Variants in TTLL5 observed in about 807,000 individuals in gnomAD.
The protein encoded by TTLL5 is tubulin polyglutamylase TTLL5.
In TTLL5, 132 loss-of-function variants were observed where a neutral mutation model predicts 168.4. That is an observed-to-expected ratio of 0.78 (90% CI 0.68 to 0.91). The LOEUF (loss-of-function observed/expected upper bound fraction) is 0.91. Ranked by LOEUF, TTLL5 falls within the 40% of genes least tolerant of loss-of-function variation. The pLI is 0.00. For synonymous variants in TTLL5, 546 were observed against 558.6 expected, an observed-to-expected ratio of 0.98 and a Z score of 0.32; for missense variants, 1,545 against 1,581.5, an observed-to-expected ratio of 0.98 and a Z score of 0.39.
chr14:75,844,766 A>G (rs1374455899), intron 28 of TTLL5, among the ~76,000 whole-genome samples: 2 of 152,194 alleles, frequency 1.3e-5, no homozygotes, highest in Admixed American at 6.5e-5. Context: ...TGCCCTTTCC[A>G]TTACCCAAAC....
intron 31 of TTLL5, among the ~76,000 whole-genome samples, chr14:75,944,724 C>CT (rs1176742864): frequency 6.6e-6 from 1 of 151,990 alleles, no homozygotes; most frequent in East Asian, 1.9e-4. Context: ...AACTGTCTCT[C>CT]TAAAATAATA....
At chr14:75,831,768 C>T (rs1895581782) in intron 28 of TTLL5, among the ~76,000 whole-genome samples, 1 of 152,192 alleles carries the variant, frequency 6.6e-6, no homozygotes, top group African/African-American at 2.4e-5. Context: ...TCCCATATCA[C>T]ATTTTTTCTT....
intron 26 of TTLL5, among the ~76,000 whole-genome samples, chr14:75,787,352 A>G (rs1398606242): frequency 6.6e-6 from 1 of 152,202 alleles, no homozygotes; most frequent in Non-Finnish European, 1.5e-5. Flanking sequence ...GAAAGTTGGT[A>G]TGGTTGCATT....
At chr14:75,865,344 A>G (rs1323324627) in intron 29 of TTLL5, among the ~76,000 whole-genome samples, 1 of 151,822 alleles carries the variant, frequency 6.6e-6, no homozygotes, top group African/African-American at 2.4e-5. Context: ...AGAGTACTTG[A>G]GAATGCCAAC....
chr14:75,705,402 T>G (rs1886581491), intron 7 of TTLL5, among the ~76,000 whole-genome samples: 1 of 152,244 alleles, frequency 6.6e-6, no homozygotes, highest in African/African-American at 2.4e-5. Flanking sequence ...TGCATTGTTA[T>G]AAAGACAAAC....
chr14:75,785,801 A>G (rs1381290601), intron 26 of TTLL5, among the ~76,000 whole-genome samples: 2 of 152,166 alleles, frequency 1.3e-5, no homozygotes. Flanking sequence ...ATCACCAAGG[A>G]TGATTGTTCC....
chr14:75,797,923 C>T lies in TTLL5; in HGVS notation c.3171+4823C>T, dbSNP rs2140360783. On this transcript the variant is annotated intron_variant, in intron 27 of 31. Transcript: ENST00000298832. ...GTAGTTTTCTTTTTTTGTTAATGTC[C>T]TTTCCTGGGTTTGGTATTAGGGTGT... Among the ~76,000 whole-genome samples the T allele has an allele frequency of 3.3e-5, 5 of 151,932 alleles. No homozygotes were observed. The South Asian group carries it at 1.0e-3, about 32-fold the overall frequency.
At chr14:75,720,885 A>AGTCCCC (rs1887792628) in intron 12 of TTLL5, among the ~76,000 whole-genome samples, 182 bp downstream of exon 12, 1 of 152,206 alleles carries the variant, frequency 6.6e-6, no homozygotes, top group Non-Finnish European at 1.5e-5. Flanking sequence ...CTTGGTCAGA[A>AGTCCCC]GTCCCCTGAG....
chr14:75,662,708 A>G (rs1405010037), intron 1 of TTLL5, among the ~76,000 whole-genome samples: 1 of 152,144 alleles, frequency 6.6e-6, no homozygotes, highest in Non-Finnish European at 1.5e-5. Flanking sequence ...CTAGCAAGGA[A>G]TATATGTTTT....
intron 28 of TTLL5, among the ~76,000 whole-genome samples, chr14:75,857,894 G>A (rs1466415527): frequency 2.0e-5 from 3 of 151,934 alleles, no homozygotes; most frequent in Admixed American, 6.6e-5. Flanking sequence ...TAAGCGATCC[G>A]CCCACCTCGA....
At chr14:75,757,962 A>G in intron 18 of TTLL5, 2 of 1,246,620 alleles carry the variant, frequency 1.6e-6, no homozygotes, top group Non-Finnish European at 2.1e-6. Context: ...AACCATTTTT[A>G]GTTTGGTTCA....
chr14:75,885,392 T>TGAGGCAGGAGAATAGTGTGAACCCGG (rs2032059863), intron 30 of TTLL5, among the ~76,000 whole-genome samples: 1 of 151,720 alleles, frequency 6.6e-6, no homozygotes, highest in Non-Finnish European at 1.5e-5. Flanking sequence ...CTTGGGCGGC[T>TGAGGCAGGAGAATAGTGTGAACCCGG]GAGGCAGGAG....
Position 75,754,990 on chromosome 14 carries a change from C to T in TTLL5, c.1550+2035C>T, listed in dbSNP as rs910769861. 7.9e-5 allele frequency among the ~76,000 whole-genome samples: 12 copies of T among 152,120 alleles called. No individual in the cohort carries two copies. The South Asian group carries it at 1.0e-3, about 13-fold the overall frequency. On this transcript the variant is annotated intron_variant, in intron 18 of 31. Coordinates refer to ENST00000298832, the MANE Select transcript of TTLL5 (RefSeq NM_015072.5). Reference sequence around the variant, plus strand: ...TTAAAAAAAACATAATTTGGCCAGGCGCGGTGGCTCACGCCTGTAATCCCA... The same window carrying T: ...TTAAAAAAAACATAATTTGGCCAGGTGCGGTGGCTCACGCCTGTAATCCCA...
chr14:75,733,855 G>A (rs568359255), intron 13 of TTLL5, 134 bp from the exon 14 acceptor site: 16 of 556,110 alleles, frequency 2.9e-5, no homozygotes, highest in Admixed American at 9.0e-5. Context: ...CACCGCCCCC[G>A]TGGATTTTAT....
chr14:75,663,816 G>C (rs1022900881), intron 2 of TTLL5, among the ~76,000 whole-genome samples: 1 of 152,148 alleles, frequency 6.6e-6, no homozygotes, highest in Non-Finnish European at 1.5e-5. Flanking sequence ...AGGTGTGTTG[G>C]CTTATGCCTG....
At chr14:75,682,826 G>A (rs1884726716) in intron 4 of TTLL5, among the ~76,000 whole-genome samples, 1 of 151,688 alleles carries the variant, frequency 6.6e-6, no homozygotes, top group Admixed American at 6.6e-5. Flanking sequence ...GAGAACAGTG[G>A]CATGATCATA....
At chr14:75,829,816 G>T (rs1895462609) in intron 28 of TTLL5, among the ~76,000 whole-genome samples, 2 of 152,200 alleles carry the variant, frequency 1.3e-5, no homozygotes, top group Non-Finnish European at 2.9e-5. Flanking sequence ...GAGCCAGTCT[G>T]GCTCAGACAG....
chr14:75,820,224 G>A (rs1456857263), intron 28 of TTLL5, 63 bp downstream of exon 28: 2 of 1,465,006 alleles, frequency 1.4e-6, no homozygotes, highest in African/African-American at 2.9e-5. Flanking sequence ...TCCCAAGCAA[G>A]CCATTCCCAC....
At chr14:75,934,235 G>T (rs969231265) in intron 31 of TTLL5, among the ~76,000 whole-genome samples, 38 of 152,158 alleles carry the variant, frequency 2.5e-4, no homozygotes, top group African/African-American at 8.9e-4. Context: ...ACACCCAAGG[G>T]GAGGCAATTA....
Sources: allele counts gnomAD v4.1 joint callset (sites outside exome capture counted in the v4.1 genomes callset), GRCh38; gene constraint gnomAD v4.1.1; transcripts MANE v1.5; gene names NCBI Gene and HGNC (gene_info 2026-07-23, HGNC 2026-07-21).